The following ZNF66 variants were observed in gnomAD, a reference collection of about 807,000 sequenced individuals.
ZNF66 encodes zinc finger protein 66.
ZNF66 carries 32 observed loss-of-function variants against 35.2 expected under a neutral mutation model. That is an observed-to-expected ratio of 0.91 (90% confidence interval 0.69 to 1.22). ZNF66 has a LOEUF of 1.22. ZNF66 is among the 50% of genes most tolerant of loss of function. ZNF66 has a pLI of 0.00. For synonymous variants in ZNF66, 231 were observed against 181.3 expected, an observed-to-expected ratio of 1.27 and a Z score of -2.20; for missense variants, 666 against 543.1, an observed-to-expected ratio of 1.23 and a Z score of -2.25.
chr19:20,787,132 TA>T (rs1971294045), intron 1 of ZNF66, among the ~76,000 whole-genome samples: 2 of 152,160 alleles, frequency 1.3e-5, no homozygotes, highest in Non-Finnish European at 2.9e-5. Context: ...TTTCTGTAAA[TA>T]AAAATTTCTG....
Position 20,792,535 on chromosome 19 carries a change from GGC to G in ZNF66, c.28_29del (p.Ala10HisfsTer20), listed in dbSNP as rs1971347965. On this transcript the variant is annotated frameshift_variant, in exon 2 of 4. Transcript: ENST00000344519. LOFTEE classifies it high-confidence loss of function. The stretch of plus-strand genomic sequence containing the variant: ...AGGGGCCATTGCAATTTAGAGATGT[GGC>G]CATAGAATTCTCTCTGGAGGAGTGG... MGPLQFRDV[A>X]IEFSLEEWHC... 6.5e-7 allele frequency: 1 copy of G among 1,533,008 alleles called. No homozygotes were observed. The highest frequency in any genetic ancestry group is 9.0e-7 in the Non-Finnish European group (1 of 1,110,592). The allele number at this position is 1,533,008 out of a possible 1,614,324, so 95.0% of individuals were successfully genotyped here.
rs192426839 is a variant in ZNF66, at chr19:20,796,519, T to C, written c.226+2641T>C. 3.1e-3 allele frequency among the ~76,000 whole-genome samples: 474 copies of C among 152,334 alleles called. 6 individuals carry two copies. Among genetic ancestry groups the C allele is most frequent in the Non-Finnish European group, 3.9e-3 (264 of 68,034 alleles). ...TTTAGCCTATATCTAAATAATAACA[T>C]AGTTTATTTCTCAATATTTGTTTTA... On this transcript the variant is annotated intron_variant, in intron 3 of 3. Transcript: ENST00000344519.
In ZNF66 at chr19:20,807,814, G is replaced by A. The variant is rs958369331; in HGVS notation, c.*492G>A. Among the ~76,000 whole-genome samples, 5 of 152,206 alleles carry A rather than the reference G, an allele frequency of 3.3e-5. No homozygotes were observed. The highest frequency in any genetic ancestry group is 1.3e-4 in the Admixed American group (2 of 15,288). Reference sequence around the variant, plus strand: ...GAAGATGGGTGATTTCTGCATTTCCGTCTGATGTACCAGGTTCATCTCACT... The same window carrying A: ...GAAGATGGGTGATTTCTGCATTTCCATCTGATGTACCAGGTTCATCTCACT... On this transcript the variant is annotated 3_prime_UTR_variant, in exon 4 of 4. Transcript: ENST00000344519.
At position 20,792,547 on chromosome 19, in the gene ZNF66, C is replaced by A; in HGVS notation, c.39C>A (p.Phe13Leu). Reference sequence around the variant, plus strand: ...AATTTAGAGATGTGGCCATAGAATTCTCTCTGGAGGAGTGGCATTGCCTGG... The same window carrying A: ...AATTTAGAGATGTGGCCATAGAATTATCTCTGGAGGAGTGGCATTGCCTGG... ...PLQFRDVAIEFSLEEWHCLDM... is the reference protein window; with the variant it reads ...PLQFRDVAIELSLEEWHCLDM... Residue 13 changes from phenylalanine to leucine, a missense_variant, in exon 2 of 4, where the codon TTC becomes TTA. Phe to Leu is a conservative substitution (Grantham distance 22). Transcript: ENST00000344519. The A allele has an allele frequency of 6.5e-7, 1 of 1,530,346 alleles. No individual in the cohort carries two copies. Among genetic ancestry groups the A allele is most frequent in the Non-Finnish European group, 9.0e-7 (1 of 1,107,822 alleles). 94.8% of individuals were successfully genotyped at this position (1,530,346 alleles called of 1,614,324 possible).
chr19:20,784,893 A>C (rs1971273700), intron 1 of ZNF66: 2 of 152,980 alleles, frequency 1.3e-5, no homozygotes. Flanking sequence ...TCTTGCTCAG[A>C]GGGAGATCTG....
In ZNF66 at chr19:20,809,345, C is replaced by T. The variant is rs1012892491; in HGVS notation, c.*2023C>T. 2.6e-3 allele frequency among the ~76,000 whole-genome samples: 399 copies of T among 151,974 alleles called. 4 individuals carry two copies. Among genetic ancestry groups the T allele is most frequent in the African/African-American group, 8.9e-3 (369 of 41,454 alleles). ...ATACAGAGAACGCCACAAAGATACT[C>T]CTTGAGAAGAGCAACTCCAAGACAC... On this transcript the variant is annotated 3_prime_UTR_variant, in exon 4 of 4. Transcript: ENST00000344519.
intron 1 of ZNF66, among the ~76,000 whole-genome samples, chr19:20,779,566 T>C (rs1276481831): frequency 6.6e-6 from 1 of 151,940 alleles, no homozygotes; most frequent in African/African-American, 2.4e-5. Context: ...CAGTGGCTCA[T>C]GCCTGTGATC....
chr19:20,796,936 C>T (rs1345013700), intron 3 of ZNF66, among the ~76,000 whole-genome samples: 1 of 152,004 alleles, frequency 6.6e-6, no homozygotes, highest in African/African-American at 2.4e-5. Flanking sequence ...CTGCAACTTC[C>T]ACCTTCCAGG....
At chr19:20,799,931 ATCTGCCAGT>A (rs1971432865) in intron 3 of ZNF66, among the ~76,000 whole-genome samples, 2 of 152,192 alleles carry the variant, frequency 1.3e-5, no homozygotes, top group Non-Finnish European at 2.9e-5. Context: ...ATATTTGTGA[ATCTGCCAGT>A]TTGACTTTTG....
chr19:20,787,839 C>G (rs1971301916), intron 1 of ZNF66, among the ~76,000 whole-genome samples: 1 of 152,172 alleles, frequency 6.6e-6, no homozygotes, highest in African/African-American at 2.4e-5. Flanking sequence ...AATGGGTGTT[C>G]CAGGTTCTGG....
At chr19:20,804,104 GT>G (rs1487378219) in intron 3 of ZNF66, among the ~76,000 whole-genome samples, 3 of 151,414 alleles carry the variant, frequency 2.0e-5, no homozygotes, top group African/African-American at 4.8e-5. Context: ...TTCCAATTAT[GT>G]TTTGTATTTT....
intron 1 of ZNF66, among the ~76,000 whole-genome samples, chr19:20,785,559 C>T (rs905124871): frequency 1.3e-5 from 2 of 152,166 alleles, no homozygotes; most frequent in African/African-American, 4.8e-5. Flanking sequence ...ATAAATTCTT[C>T]TACTTGTGGA....
intron 2 of ZNF66, among the ~76,000 whole-genome samples, chr19:20,793,317 C>CTTTTTTTT (rs1971357023): frequency 1.4e-5 from 1 of 71,722 alleles, no homozygotes; most frequent in Non-Finnish European, 3.0e-5. Context: ...CTTTTCTTTT[C>CTTTTTTTT]TTTTCTTTTC....
At chr19:20,781,535 G>A (rs1424017558) in intron 1 of ZNF66, among the ~76,000 whole-genome samples, 7 of 150,812 alleles carry the variant, frequency 4.6e-5, no homozygotes, top group Admixed American at 4.6e-4. Flanking sequence ...TGGAGACGGA[G>A]TTTTACTCTT....
intron 3 of ZNF66, among the ~76,000 whole-genome samples, chr19:20,795,372 C>G (rs1221151891): frequency 2.8e-5 from 4 of 143,192 alleles, no homozygotes; most frequent in Non-Finnish European, 6.1e-5. Flanking sequence ...TTTTCTTTTT[C>G]TTTTTTTTTT....
At chr19:20,785,271 A>G (rs1212165504) in intron 1 of ZNF66, 4 of 152,426 alleles carry the variant, frequency 2.6e-5, no homozygotes, top group Non-Finnish European at 5.9e-5. Context: ...GAGACCAGCA[A>G]CCAGGGGAAA....
At chr19:20,800,151 G>T (rs1307483082) in intron 3 of ZNF66, among the ~76,000 whole-genome samples, 1 of 152,130 alleles carries the variant, frequency 6.6e-6, no homozygotes, top group Non-Finnish European at 1.5e-5. Flanking sequence ...TGAGTAGCTA[G>T]GACTACAGAC....
At chr19:20,784,640 A>C (rs1246610687) in intron 1 of ZNF66, 1 of 152,140 alleles carries the variant, frequency 6.6e-6, no homozygotes, top group African/African-American at 2.4e-5. Context: ...TCAATATAGA[A>C]CCCCCATTCA....
chr19:20,807,316 G>A lies in ZNF66; in HGVS notation c.1716G>A (p.Lys572=), dbSNP rs763228830. The A allele has an allele frequency of 1.7e-5, 11 of 643,710 alleles. No individual in the cohort carries two copies. The African/African-American group carries it at 1.8e-4, about 11-fold the overall frequency. 39.9% of individuals were successfully genotyped at this position (643,710 alleles called of 1,614,324 possible). A position where few individuals can be genotyped will look rare whatever the true frequency, so the allele number is the denominator to read the frequency against. ...GNPYKCENVA[K]P is the part of the protein sequence containing the mutation. The stretch of plus-strand genomic sequence containing the variant: ...CCTACAAATGTGAAAATGTGGCAAA[G>A]CCTTAGACACTCCTCTACCCTTACT... The change falls in exon 4 of 4, where the codon AAG becomes AAA. Residue 572 remains lysine (K), a synonymous_variant. Transcript: ENST00000344519.
Sources: allele counts gnomAD v4.1 joint callset (sites outside exome capture counted in the v4.1 genomes callset), GRCh38; gene constraint gnomAD v4.1.1; transcripts MANE v1.5; gene names NCBI Gene and HGNC (gene_info 2026-07-23, HGNC 2026-07-21).